ARHGAP25: variants seen among roughly 807,000 people sequenced by gnomAD.
ARHGAP25 encodes rho GTPase-activating protein 25.
Under a neutral mutation model 71.0 loss-of-function variants are expected in ARHGAP25, and 34 were observed. That is an observed-to-expected ratio of 0.48 (90% CI 0.36 to 0.64). ARHGAP25 has a LOEUF of 0.64. Among genes scored for constraint, ARHGAP25 ranks in the 30% least tolerant of loss-of-function variants. ARHGAP25 has a pLI of 0.00. For missense variants in ARHGAP25, 706 were observed against 805.1 expected (o/e 0.88, Z 1.49); for synonymous variants, 282 against 296.5 (o/e 0.95, Z 0.50).
At chr2:68,807,087 G>A (rs1680428158) in intron 4 of ARHGAP25, 186 bp from the exon 5 acceptor site, 2 of 608,898 alleles carry the variant, frequency 3.3e-6, no homozygotes, top group East Asian at 2.8e-5. Context: ...GACTGATAAA[G>A]ACTGCCTCAA....
Position 68,826,106 on chromosome 2 carries a change from G to C in ARHGAP25, c.1853G>C (p.Arg618Pro), listed in dbSNP as rs376925990. Residue 618 changes from arginine (R) to proline (P), a missense_variant, in exon 11 of 11, where the codon CGG becomes CCG. Physicochemically the swap from Arg to Pro is moderately radical, Grantham distance 103. Coordinates refer to ENST00000409202, the MANE Select transcript of ARHGAP25 (RefSeq NM_001007231.3). Reference sequence around the variant, plus strand: ...AGCCTCCGCAACATGGAGCGCTCCCGGGAGGATGTTGAGAAGAGGAACAAG... The same window carrying C: ...AGCCTCCGCAACATGGAGCGCTCCCCGGAGGATGTTGAGAAGAGGAACAAG... Reference protein sequence around the residue: ...EISLRNMERSREDVEKRNKAL... With the variant: ...EISLRNMERSPEDVEKRNKAL... 1 of 1,613,932 alleles carries C rather than the reference G, an allele frequency of 6.2e-7. No individual in the cohort carries two copies. Among genetic ancestry groups the C allele is most frequent in the African/African-American group, 1.3e-5 (1 of 74,878 alleles).
upstream of ARHGAP25, among the ~76,000 whole-genome samples, chr2:68,731,837 T>A (rs752370322): frequency 6.6e-6 from 1 of 152,028 alleles, no homozygotes; most frequent in African/African-American, 2.4e-5. Context: ...CCCTACACTT[T>A]CCCCAACATA....
chr2:68,768,631 G>A (rs1268885473), intron 1 of ARHGAP25, among the ~76,000 whole-genome samples: 1 of 152,088 alleles, frequency 6.6e-6, no homozygotes, highest in Non-Finnish European at 1.5e-5. Flanking sequence ...CTTTTCTTTG[G>A]TTCCTGAACG....
chr2:68,822,868 A>G lies in ARHGAP25; in HGVS notation c.1729A>G (p.Lys577Glu). 1 of 1,608,430 alleles carries G rather than the reference A, an allele frequency of 6.2e-7. No homozygotes were observed. Among genetic ancestry groups the G allele is most frequent in the South Asian group, 1.1e-5 (1 of 90,412 alleles). The change falls in exon 10 of 11, where the codon AAA becomes GAA. Residue 577 changes from lysine (K) to glutamate (E), a missense_variant. By Grantham distance (56) the Lys-to-Glu change is moderately conservative. Coordinates refer to ENST00000409202, the MANE Select transcript of ARHGAP25 (RefSeq NM_001007231.3). ...TQKQMYEEQIKNLEKENYDVW... is the reference protein window; with the variant it reads ...TQKQMYEEQIENLEKENYDVW... Reference sequence around the variant, plus strand: ...GAAGCAAATGTATGAGGAACAGATTAAAAAGTAAGTCAGACAGAGGGGCAC... The same window carrying G: ...GAAGCAAATGTATGAGGAACAGATTGAAAAGTAAGTCAGACAGAGGGGCAC...
intron 9 of ARHGAP25, among the ~76,000 whole-genome samples, chr2:68,821,092 C>T (rs369247302): frequency 1.1e-4 from 11 of 99,438 alleles, no homozygotes; most frequent in South Asian, 3.3e-4. Flanking sequence ...CTTTTTCTTT[C>T]TTTTTTTTTT....
chr2:68,821,863 G>A (rs971929376), intron 9 of ARHGAP25, among the ~76,000 whole-genome samples: 4 of 147,544 alleles, frequency 2.7e-5, no homozygotes, highest in Non-Finnish European at 4.5e-5. Context: ...CTATTAAGGA[G>A]AGTAACCAAT....
Position 68,807,565 on chromosome 2 carries a change from A to C in ARHGAP25, c.674+85A>C, listed in dbSNP as rs1191728604. 32 of 1,364,062 alleles carry C rather than the reference A, an allele frequency of 2.3e-5. No individual in the cohort carries two copies. The Admixed American group carries it at 4.7e-4, about 20-fold the overall frequency. The allele number at this position is 1,364,062 out of a possible 1,614,324, so 84.5% of individuals were successfully genotyped here. A position where few individuals can be genotyped will look rare whatever the true frequency, so the allele number is the denominator to read the frequency against. On this transcript the variant is annotated intron_variant, in intron 5 of 10. Transcript: ENST00000409202. ...AGGGCCTCTCCATTCCAGTTGAGCTATGGGACTTGCATAGAGACTTCTAAG... is the reference window on the plus strand; with the variant it reads ...AGGGCCTCTCCATTCCAGTTGAGCTCTGGGACTTGCATAGAGACTTCTAAG...
At chr2:68,811,205 A>G (rs539444215) in intron 5 of ARHGAP25, among the ~76,000 whole-genome samples, 3 of 152,222 alleles carry the variant, frequency 2.0e-5, no homozygotes, top group Non-Finnish European at 4.4e-5. Context: ...GGAGAGGCTT[A>G]CAAGGATCAG....
At chr2:68,817,103 T>C (rs950850952) in intron 7 of ARHGAP25, among the ~76,000 whole-genome samples, 1 of 133,834 alleles carries the variant, frequency 7.5e-6, no homozygotes, top group Non-Finnish European at 1.6e-5. Flanking sequence ...ATATAAAGGA[T>C]TGTGTCCTTT....
chr2:68,711,942 CTT>C (rs989640620), intron 2 of ARHGAP25, among the ~76,000 whole-genome samples: 1 of 152,104 alleles, frequency 6.6e-6, no homozygotes, highest in African/African-American at 2.4e-5. Context: ...GGTTCCAAGT[CTT>C]TGGTATTGTG....
At position 68,766,802 on chromosome 2, in the gene ARHGAP25, CTCTT is replaced by C. The variant is rs1157003331; in HGVS notation, c.62-8417_62-8414del. On this transcript the variant is annotated intron_variant, in intron 1 of 10. Coordinates refer to ENST00000409202, the MANE Select transcript of ARHGAP25 (RefSeq NM_001007231.3). ...ACTCTCTGTCATTCTCTCTCCCTCT[CTCTT>C]TTTCTCTCTCTCACACACACAGATA... Among the ~76,000 whole-genome samples, 4 of 152,142 alleles carry C rather than the reference CTCTT, an allele frequency of 2.6e-5. No individual in the cohort carries two copies. The East Asian group carries it at 5.8e-4, about 22-fold the overall frequency.
intron 2 of ARHGAP25, among the ~76,000 whole-genome samples, chr2:68,711,874 T>C (rs1179402902): frequency 6.6e-6 from 1 of 152,234 alleles, no homozygotes; most frequent in African/African-American, 2.4e-5. Flanking sequence ...ATGAATAGTA[T>C]TCCATGATAT....
intron 2 of ARHGAP25, among the ~76,000 whole-genome samples, chr2:68,723,160 TG>T (rs1674803465): frequency 6.6e-6 from 1 of 152,210 alleles, no homozygotes; most frequent in Non-Finnish European, 1.5e-5. Flanking sequence ...TGGTCATAAA[TG>T]AAGTTCTTGC....
intron 2 of ARHGAP25, among the ~76,000 whole-genome samples, chr2:68,721,188 T>C (rs1674753381): frequency 1.3e-5 from 2 of 152,342 alleles, no homozygotes; most frequent in South Asian, 4.1e-4. Context: ...CTTTTTTGCA[T>C]AAGAGATAAA....
rs933164263 is a variant in ARHGAP25, at chr2:68,826,125, G to A, written c.1872G>A (p.Arg624=). ...MERSREDVEK[R]NKALEEEVKE... is the part of the protein sequence containing the mutation. ...GCTCCCGGGAGGATGTTGAGAAGAG[G>A]AACAAGGCCTTGGAAGAAGAAGTCA... Residue 624 remains arginine (R), a synonymous_variant, in exon 11 of 11, where the codon AGG becomes AGA. Coordinates refer to ENST00000409202, the MANE Select transcript of ARHGAP25 (RefSeq NM_001007231.3). 1.2e-6 allele frequency: 2 copies of A among 1,614,094 alleles called. No homozygotes were observed. The highest frequency in any genetic ancestry group is 1.7e-6 in the Non-Finnish European group (2 of 1,180,012).
At chr2:68,740,655 T>C (rs2104290244) in intron 1 of ARHGAP25, among the ~76,000 whole-genome samples, 1 of 152,340 alleles carries the variant, frequency 6.6e-6, no homozygotes. Flanking sequence ...CCCAGGCCAT[T>C]TAAACAGAGA....
chr2:68,768,039 A>G (rs1677235835), intron 1 of ARHGAP25, among the ~76,000 whole-genome samples: 1 of 152,218 alleles, frequency 6.6e-6, no homozygotes, highest in Non-Finnish European at 1.5e-5. Flanking sequence ...CTTCACCACA[A>G]GAATACATGC....
chr2:68,774,828 TCTC>T, intron 1 of ARHGAP25: 1 of 1,138,918 alleles, frequency 8.8e-7, no homozygotes. Context: ...GGCATTATTT[TCTC>T]CTCTCTCTTG....
chr2:68,713,483 A>T (rs1558594910), intron 2 of ARHGAP25, among the ~76,000 whole-genome samples: 1 of 150,928 alleles, frequency 6.6e-6, no homozygotes, highest in African/African-American at 2.4e-5. Flanking sequence ...TTCCTATTTG[A>T]TTATTTCTTT....
Sources: gnomAD v4.1 joint callset for allele counts (sites outside exome capture counted in the v4.1 genomes callset) on GRCh38, gnomAD v4.1.1 for gene constraint, MANE v1.5 for transcripts, NCBI Gene and HGNC (gene_info 2026-07-23, HGNC 2026-07-21) for gene names.